Variants in CSMD1 observed in about 807,000 individuals in gnomAD.
CSMD1 encodes CUB and Sushi multiple domains 1.
In CSMD1, 213 loss-of-function variants were observed where a neutral mutation model predicts 417.5. That is an observed-to-expected ratio of 0.51 (90% confidence interval 0.46 to 0.57). The LOEUF (loss-of-function observed/expected upper bound fraction) is 0.57. Ranked by LOEUF, CSMD1 falls within the 20% of genes least tolerant of loss-of-function variation. CSMD1 has a pLI of 0.00. For missense variants in CSMD1, 6,923 were observed against 4,529.7 expected, an observed-to-expected ratio of 1.53 and a Z score of -15.17; for synonymous variants, 2,862 against 1,736.8, an observed-to-expected ratio of 1.65 and a Z score of -16.11.
intron 2 of CSMD1, among the ~76,000 whole-genome samples, chr8:4,538,663 G>A (rs550103308): frequency 1.3e-5 from 2 of 152,140 alleles, no homozygotes; most frequent in South Asian, 4.2e-4. Flanking sequence ...GAAATGAAAT[G>A]AAATATAATA....
At chr8:3,691,041 C>G (rs1009637697) in intron 7 of CSMD1, among the ~76,000 whole-genome samples, 2 of 152,000 alleles carry the variant, frequency 1.3e-5, no homozygotes, top group African/African-American at 2.4e-5. Context: ...ATCTTTTTCT[C>G]TCTAACACAC....
intron 5 of CSMD1, among the ~76,000 whole-genome samples, chr8:3,901,486 G>C (rs926284183): frequency 4.6e-5 from 7 of 152,128 alleles, no homozygotes; most frequent in African/African-American, 1.7e-4. Context: ...TCTCACACAT[G>C]CATTGTCAGT....
intron 5 of CSMD1, among the ~76,000 whole-genome samples, chr8:3,824,202 T>A (rs1020175689): frequency 2.6e-5 from 4 of 151,868 alleles, no homozygotes; most frequent in Non-Finnish European, 5.9e-5. Flanking sequence ...TAATTTATCC[T>A]GACAGAGTTG....
chr8:4,506,486 C>G (rs964798844), intron 2 of CSMD1, among the ~76,000 whole-genome samples: 1 of 152,140 alleles, frequency 6.6e-6, no homozygotes, highest in East Asian at 1.9e-4. Context: ...AGCCCCTCTT[C>G]ATTCAGAAAC....
rs191041936 is a variant in CSMD1 at position 4,464,014 on chromosome 8, G to A, written c.303-43949C>T. 6.2e-4 allele frequency among the ~76,000 whole-genome samples: 95 copies of A among 152,148 alleles called. 1 individual carries two copies. Among genetic ancestry groups the A allele is most frequent in the Admixed American group, 5.9e-3 (90 of 15,276 alleles). On this transcript the variant is annotated intron_variant, in intron 2 of 69. Transcript: ENST00000635120. ...AGTCTCATTTCCTGTTATATCACAT[G>A]ACACCTATATTAATTCAGTTTACGA...
intron 2 of CSMD1, among the ~76,000 whole-genome samples, chr8:4,454,820 A>G (rs890245514): frequency 2.0e-5 from 3 of 152,210 alleles, no homozygotes; most frequent in African/African-American, 2.4e-5. Context: ...TATCTCAACC[A>G]TAAGAAGAGC....
Position 4,377,082 on chromosome 8 carries a change from C to T in CSMD1, c.415+42871G>A, listed in dbSNP as rs554307775. The stretch of plus-strand genomic sequence containing the variant: ...GATCATTGCTTCTGTTGCTTTCATA[C>T]ATTTCATTCCTCTTTCTTCTAAATT... On this transcript the variant is annotated intron_variant, in intron 3 of 69. Coordinates refer to ENST00000635120, the MANE Select transcript of CSMD1 (RefSeq NM_033225.6). 4.6e-5 allele frequency among the ~76,000 whole-genome samples: 7 copies of T among 152,326 alleles called. No individual in the cohort carries two copies. The South Asian group carries it at 1.4e-3, about 32-fold the overall frequency.
chr8:4,802,067 T>C (rs941779696), intron 1 of CSMD1, among the ~76,000 whole-genome samples: 6 of 152,196 alleles, frequency 3.9e-5, no homozygotes, highest in Non-Finnish European at 8.8e-5. Context: ...TATAGCCTAG[T>C]TGAAGTTGAT....
At chr8:4,454,334 T>C (rs942437588) in intron 2 of CSMD1, among the ~76,000 whole-genome samples, 2 of 152,168 alleles carry the variant, frequency 1.3e-5, no homozygotes, top group Non-Finnish European at 2.9e-5. Context: ...TCAGTAGACA[T>C]GCAGCTTCAT....
chr8:3,506,511 C>G (rs1331010423), intron 10 of CSMD1, among the ~76,000 whole-genome samples: 2 of 152,178 alleles, frequency 1.3e-5, no homozygotes, highest in South Asian at 4.1e-4. Flanking sequence ...CAATAATGCT[C>G]TATGGAGCAG....
At chr8:4,661,975 T>A (rs1364569080) in intron 1 of CSMD1, among the ~76,000 whole-genome samples, 1 of 152,186 alleles carries the variant, frequency 6.6e-6, no homozygotes, top group Non-Finnish European at 1.5e-5. Flanking sequence ...TTACAACATA[T>A]TCAATATAAT....
At chr8:4,822,185 A>G (rs1205004427) in intron 1 of CSMD1, among the ~76,000 whole-genome samples, 3 of 152,126 alleles carry the variant, frequency 2.0e-5, no homozygotes, top group East Asian at 1.9e-4. Context: ...GCATTCCAGC[A>G]AAGTAAAATA....
intron 8 of CSMD1, among the ~76,000 whole-genome samples, chr8:3,611,567 C>A (rs1801895783): frequency 6.6e-6 from 1 of 152,090 alleles, no homozygotes; most frequent in Non-Finnish European, 1.5e-5. Flanking sequence ...TTAAAGTTTT[C>A]TAATTTTCAT....
chr8:3,061,515 C>A (rs557931913), intron 49 of CSMD1, among the ~76,000 whole-genome samples: 7 of 152,264 alleles, frequency 4.6e-5, no homozygotes, highest in Non-Finnish European at 8.8e-5. Flanking sequence ...AGGATGCACT[C>A]GAGCAAACAC....
intron 5 of CSMD1, among the ~76,000 whole-genome samples, chr8:3,909,324 G>A (rs894747425): frequency 6.6e-6 from 1 of 152,094 alleles, no homozygotes; most frequent in Non-Finnish European, 1.5e-5. Flanking sequence ...AGGGTGATTC[G>A]TGTGGGCATC....
At chr8:3,182,765 G>GTGTA (rs1355487253) in intron 36 of CSMD1, among the ~76,000 whole-genome samples, 8 of 144,986 alleles carry the variant, frequency 5.5e-5, no homozygotes, top group Non-Finnish European at 1.1e-4. Flanking sequence ...GTGTGTGTGT[G>GTGTA]TGTATTGTTA....
intron 1 of CSMD1, among the ~76,000 whole-genome samples, chr8:4,880,384 G>A (rs914562948): frequency 6.6e-6 from 1 of 152,044 alleles, no homozygotes; most frequent in Non-Finnish European, 1.5e-5. Flanking sequence ...CCACTTGTTT[G>A]CCTCCAAAAG....
At chr8:4,787,218 G>A (rs1797448808) in intron 1 of CSMD1, 4 of 477,872 alleles carry the variant, frequency 8.4e-6, no homozygotes, top group East Asian at 4.0e-5. Flanking sequence ...GCCAGGGGGC[G>A]CGCCTGGGGG....
chr8:4,481,712 A>G (rs1021147117), intron 2 of CSMD1, among the ~76,000 whole-genome samples: 1 of 152,192 alleles, frequency 6.6e-6, no homozygotes, highest in East Asian at 1.9e-4. Flanking sequence ...TTTGTTCCAT[A>G]TATTAGACTA....
Sources: gnomAD v4.1 joint callset for allele counts (sites outside exome capture counted in the v4.1 genomes callset) on GRCh38, gnomAD v4.1.1 for gene constraint, MANE v1.5 for transcripts, NCBI Gene and HGNC (gene_info 2026-07-23, HGNC 2026-07-21) for gene names.